PINX1: variants seen among roughly 807,000 people sequenced by gnomAD.
PINX1 encodes the protein PIN2 (TERF1) interacting telomerase inhibitor 1, also known as PIN2/TERF1-interacting telomerase inhibitor 1.
PINX1 carries 34 observed loss-of-function variants against 25.4 expected under a neutral mutation model. The observed-to-expected ratio is 1.34, with a 90% CI of 1.02 to 1.78. The LOEUF (loss-of-function observed/expected upper bound fraction) is 1.78, where lower values mean the gene tolerates loss of function less well. Among genes scored for constraint, PINX1 ranks in the 40% most tolerant of loss-of-function variants. PINX1 has a pLI of 0.00. For synonymous variants in PINX1, 197 were observed against 147.7 expected, an observed-to-expected ratio of 1.33 and a Z score of -2.42; for missense variants, 592 against 404.9, an observed-to-expected ratio of 1.46 and a Z score of -3.97.
chr8:10,839,861 C>A lies in PINX1; in HGVS notation c.-105G>T. 1 of 1,074,912 alleles carries A rather than the reference C, an allele frequency of 9.3e-7. No individual in the cohort carries two copies. Among genetic ancestry groups the A allele is most frequent in the Non-Finnish European group, 1.3e-6 (1 of 747,980 alleles). The allele number at this position is 1,074,912 out of a possible 1,614,324, so 66.6% of individuals were successfully genotyped here. A position where few individuals can be genotyped will look rare whatever the true frequency, so the allele number is the denominator to read the frequency against. On this transcript the variant is annotated 5_prime_UTR_variant, in exon 1 of 7. Coordinates refer to ENST00000314787, the MANE Select transcript of PINX1 (RefSeq NM_017884.6). ...AGGACGTGCGTAACTCCCTCGCCGGCGGACTGCAGCGGACGGGGCGCGTGC... is the reference window on the plus strand; with the variant it reads ...AGGACGTGCGTAACTCCCTCGCCGGAGGACTGCAGCGGACGGGGCGCGTGC...
chr8:10,825,091 C>T (rs542482418), intron 5 of PINX1, among the ~76,000 whole-genome samples: 6 of 152,294 alleles, frequency 3.9e-5, no homozygotes, highest in Non-Finnish European at 5.9e-5. Context: ...CACACAATCC[C>T]CAATCCACTC....
intron 1 of PINX1, among the ~76,000 whole-genome samples, chr8:10,835,361 C>G (rs1293799773): frequency 6.6e-6 from 1 of 152,138 alleles, no homozygotes; most frequent in Non-Finnish European, 1.5e-5. Flanking sequence ...GCCGAACATC[C>G]CCAAGCAAAA....
chr8:10,775,726 G>T (rs1426257419), intron 6 of PINX1, among the ~76,000 whole-genome samples: 1 of 152,194 alleles, frequency 6.6e-6, no homozygotes, highest in Non-Finnish European at 1.5e-5. Flanking sequence ...GCTGTCAGAA[G>T]ATTGGAAGCA....
chr8:10,827,112 C>G (rs1798076235), intron 4 of PINX1, among the ~76,000 whole-genome samples: 1 of 152,158 alleles, frequency 6.6e-6, no homozygotes, highest in African/African-American at 2.4e-5. Flanking sequence ...CCTGGGAGAA[C>G]AGGGGGAAAG....
intron 1 of PINX1, 38 bp from the exon 2 acceptor site, chr8:10,834,813 G>A: frequency 6.2e-6 from 9 of 1,452,906 alleles, no homozygotes; most frequent in Non-Finnish European, 8.6e-6. Flanking sequence ...CAATGGAGAT[G>A]ATACCCGGAA....
At chr8:10,822,908 T>C (rs75141497) in intron 5 of PINX1, among the ~76,000 whole-genome samples, 3,517 of 152,332 alleles carry the variant, frequency 0.023, 158 homozygotes, top group African/African-American at 0.08. Context: ...AGAAAATTCA[T>C]TTGCATTATT....
chr8:10,768,111 C>A (rs1801114394), intron 6 of PINX1, among the ~76,000 whole-genome samples: 1 of 144,482 alleles, frequency 6.9e-6, no homozygotes, highest in African/African-American at 2.6e-5. Context: ...ACCCTCACAG[C>A]CACACAGAGA....
At chr8:10,804,879 C>T (rs116849496) in intron 6 of PINX1, among the ~76,000 whole-genome samples, 37 of 152,012 alleles carry the variant, frequency 2.4e-4, no homozygotes, top group Non-Finnish European at 4.4e-4. Flanking sequence ...GTTTAATCTA[C>T]TCAACATCAT....
chr8:10,839,762 A>T lies in PINX1; in HGVS notation c.-6T>A. The T allele has an allele frequency of 6.2e-7, 1 of 1,603,738 alleles. No individual in the cohort carries two copies. The highest frequency in any genetic ancestry group is 8.5e-7 in the Non-Finnish European group (1 of 1,175,210). ...CGTTCAGCCAGCATAGACATGTCGG[A>T]GAGCCTGTGATACCGCCGCCTCTGG... On this transcript the variant is annotated 5_prime_UTR_variant, in exon 1 of 7. Transcript: ENST00000314787.
intron 6 of PINX1, among the ~76,000 whole-genome samples, chr8:10,769,394 A>G (rs904841200): frequency 6.6e-6 from 1 of 152,222 alleles, no homozygotes; most frequent in African/African-American, 2.4e-5. Context: ...TTGATGACTG[A>G]CTTTCCCAAA....
intron 6 of PINX1, among the ~76,000 whole-genome samples, chr8:10,782,635 C>T (rs958613735): frequency 6.6e-6 from 1 of 152,074 alleles, no homozygotes; most frequent in Non-Finnish European, 1.5e-5. Flanking sequence ...ACTCAGGAGG[C>T]TGAGGCAGCA....
At chr8:10,790,467 A>G (rs1051914339) in intron 6 of PINX1, among the ~76,000 whole-genome samples, 1 of 152,096 alleles carries the variant, frequency 6.6e-6, no homozygotes, top group African/African-American at 2.4e-5. Context: ...TCACATCCAG[A>G]GCTGCTCCCA....
chr8:10,795,312 C>A (rs1194200141), intron 6 of PINX1, among the ~76,000 whole-genome samples: 1 of 152,190 alleles, frequency 6.6e-6, no homozygotes, highest in East Asian at 1.9e-4. Context: ...TCTTTCTTAG[C>A]TGCTCTAATC....
chr8:10,829,224 T>C (rs1486031819), intron 4 of PINX1, among the ~76,000 whole-genome samples: 1 of 141,260 alleles, frequency 7.1e-6, no homozygotes, highest in African/African-American at 2.8e-5. Context: ...AGGCGGAGGT[T>C]GCGGTAAGCC....
intron 6 of PINX1, among the ~76,000 whole-genome samples, chr8:10,779,810 G>C (rs1348637623): frequency 1.3e-5 from 2 of 152,068 alleles, no homozygotes; most frequent in African/African-American, 4.8e-5. Flanking sequence ...CATGTAACAA[G>C]GCCTACAAAT....
At chr8:10,802,977 A>C (rs117783652) in intron 6 of PINX1, among the ~76,000 whole-genome samples, 565 of 152,322 alleles carry the variant, frequency 3.7e-3, no homozygotes, top group Non-Finnish European at 5.9e-3. Flanking sequence ...GCAACTTCAC[A>C]CTTGCAGGAT....
chr8:10,820,386 T>C (rs1039067318), intron 5 of PINX1, 117 bp from the exon 6 acceptor site: 10 of 724,512 alleles, frequency 1.4e-5, no homozygotes, highest in Admixed American at 1.0e-4. Flanking sequence ...AGAAACAATT[T>C]TGAAACTACT....
chr8:10,813,274 A>G (rs1563226232), intron 6 of PINX1, among the ~76,000 whole-genome samples: 1 of 152,166 alleles, frequency 6.6e-6, no homozygotes, highest in Non-Finnish European at 1.5e-5. Flanking sequence ...TCCACCTCCT[A>G]TAAACCCCTC....
chr8:10,792,344 T>TC (rs1453286896), intron 6 of PINX1, among the ~76,000 whole-genome samples: 1 of 151,746 alleles, frequency 6.6e-6, no homozygotes, highest in Admixed American at 6.6e-5. Context: ...GGACAACACC[T>TC]CCTCCAGGAG....
Sources: allele counts gnomAD v4.1 joint callset (sites outside exome capture counted in the v4.1 genomes callset), GRCh38; gene constraint gnomAD v4.1.1; transcripts MANE v1.5; gene names NCBI Gene and HGNC (gene_info 2026-07-23, HGNC 2026-07-21).